Variants in COBLL1 observed in about 807,000 individuals in gnomAD.
COBLL1 encodes cordon-bleu WH2 repeat protein like 1, also known as cordon-bleu protein-like 1.
In COBLL1, 50 loss-of-function variants were observed where a neutral mutation model predicts 94.8. The observed-to-expected ratio is 0.53, with a 90% confidence interval of 0.42 to 0.67. COBLL1 has a LOEUF of 0.67. Ranked by LOEUF, COBLL1 falls within the 30% of genes least tolerant of loss-of-function variation. The pLI is 0.00. For synonymous variants in COBLL1, 448 were observed against 473.8 expected, an observed-to-expected ratio of 0.95 and a Z score of 0.71; for missense variants, 1,362 against 1,348.7, an observed-to-expected ratio of 1.01 and a Z score of -0.15.
intron 7 of COBLL1, among the ~76,000 whole-genome samples, chr2:164,706,460 T>C (rs1684608198): frequency 6.6e-6 from 1 of 152,206 alleles, no homozygotes; most frequent in South Asian, 2.1e-4. Flanking sequence ...TATGTATTAT[T>C]TGCATGCTGA....
intron 7 of COBLL1, among the ~76,000 whole-genome samples, chr2:164,715,708 G>A (rs529804417): frequency 1.5e-4 from 22 of 151,634 alleles, no homozygotes; most frequent in Admixed American, 3.3e-4. Flanking sequence ...AACACTCTAG[G>A]TATTAAATTT....
intron 9 of COBLL1, among the ~76,000 whole-genome samples, chr2:164,701,495 A>G (rs1484156579): frequency 6.6e-6 from 1 of 152,232 alleles, no homozygotes; most frequent in Non-Finnish European, 1.5e-5. Context: ...TGTAATATAC[A>G]TACATAGGCT....
At chr2:164,723,641 G>A (rs551545643) in intron 5 of COBLL1, 1 of 150,558 alleles carries the variant, frequency 6.6e-6, no homozygotes, top group East Asian at 2.0e-4. Flanking sequence ...TGTCACATGT[G>A]TTTAATTTCA....
At chr2:164,837,931 C>T (rs1038631729) in intron 2 of COBLL1, among the ~76,000 whole-genome samples, 5 of 152,082 alleles carry the variant, frequency 3.3e-5, no homozygotes, top group African/African-American at 7.3e-5. Flanking sequence ...ACTGTAGTCT[C>T]GGCCATGCAG....
chr2:164,690,634 A>T (rs960922830), intron 13 of COBLL1, among the ~76,000 whole-genome samples: 2 of 152,200 alleles, frequency 1.3e-5, no homozygotes, highest in African/African-American at 4.8e-5. Flanking sequence ...CTGACCTAGT[A>T]TAAAGGCATC....
At chr2:164,660,894 C>G (rs1489954600) in intron 2 of COBLL1, among the ~76,000 whole-genome samples, 3 of 151,932 alleles carry the variant, frequency 2.0e-5, no homozygotes, top group Non-Finnish European at 4.4e-5. Flanking sequence ...TGATTTAAAC[C>G]CTAATGGGAC....
Position 164,841,455 on chromosome 2 carries a change from G to A in COBLL1, c.-50-209C>T. ...TCTAGCGGGCGCCCAGAGCACGGCG[G>A]AGGAGGCGGTGGCGCTGCAGCCCCC... On this transcript the variant is annotated intron_variant, in intron 1 of 13. Transcript: ENST00000652658. This position sits in a 1 kb window ranked among gnomAD's most constrained non-coding sequence, Gnocchi z 5.5. 1 of 1,147,318 alleles carries A rather than the reference G, an allele frequency of 8.7e-7. No homozygotes were observed. Among genetic ancestry groups the A allele is most frequent in the Non-Finnish European group, 1.1e-6 (1 of 934,614 alleles). The allele number at this position is 1,147,318 out of a possible 1,614,324, so 71.1% of individuals were successfully genotyped here.
intron 3 of COBLL1, among the ~76,000 whole-genome samples, chr2:164,730,536 C>A (rs1216955635): frequency 3.3e-5 from 5 of 151,832 alleles, no homozygotes; most frequent in African/African-American, 1.2e-4. Context: ...ACAACAACAA[C>A]AAAAATAATC....
At chr2:164,789,264 T>C (rs1466396820) in intron 2 of COBLL1, among the ~76,000 whole-genome samples, 1 of 151,944 alleles carries the variant, frequency 6.6e-6, no homozygotes, top group Non-Finnish European at 1.5e-5. Flanking sequence ...GAGATCATGA[T>C]GATAGAAGGT....
At chr2:164,702,577 AT>A (rs66810680) in intron 9 of COBLL1, among the ~76,000 whole-genome samples, 18,568 of 133,326 alleles carry the variant, frequency 0.14, 1,568 homozygotes, top group African/African-American at 0.16. Context: ...AAAAAAAAAA[AT>A]AATAATAATA....
At chr2:164,769,456 A>G (rs945251809) in intron 2 of COBLL1, among the ~76,000 whole-genome samples, 9 of 152,204 alleles carry the variant, frequency 5.9e-5, no homozygotes, top group African/African-American at 2.2e-4. Context: ...AACTCTACCA[A>G]ATACATCATT....
chr2:164,785,568 GAA>G (rs1491344039), intron 2 of COBLL1, among the ~76,000 whole-genome samples: 3 of 152,096 alleles, frequency 2.0e-5, no homozygotes, highest in African/African-American at 7.2e-5. Flanking sequence ...GATGAGCCAG[GAA>G]CAGACACATA....
chr2:164,785,780 A>C (rs1245648196), intron 2 of COBLL1, among the ~76,000 whole-genome samples: 1 of 152,074 alleles, frequency 6.6e-6, no homozygotes. Flanking sequence ...AAAGGAAAGA[A>C]AGAAAGAAAA....
intron 2 of COBLL1, among the ~76,000 whole-genome samples, chr2:164,763,910 T>C (rs949323728): frequency 3.9e-5 from 6 of 152,258 alleles, no homozygotes; most frequent in African/African-American, 1.2e-4. Context: ...TTTTTCTTTA[T>C]GTTTGAGACA....
rs768345009 is a variant in COBLL1 at position 164,705,124 on chromosome 2, A to G, written c.997-19T>C. 6.7e-7 allele frequency: 1 copy of G among 1,491,248 alleles called. No homozygotes were observed. The highest frequency in any genetic ancestry group is 8.9e-7 in the Non-Finnish European group (1 of 1,121,426). 92.4% of individuals were successfully genotyped at this position (1,491,248 alleles called of 1,614,324 possible). A position where few individuals can be genotyped will look rare whatever the true frequency, so the allele number is the denominator to read the frequency against. ...AGGGACTCTGGAAAACAAAATGACCAAATAAAATCCTACATTTAGAAATCA... is the reference window on the plus strand; with the variant it reads ...AGGGACTCTGGAAAACAAAATGACCGAATAAAATCCTACATTTAGAAATCA... On this transcript the variant is annotated intron_variant, in intron 7 of 13. Coordinates refer to ENST00000652658, the MANE Select transcript of COBLL1 (RefSeq NM_001365672.2).
chr2:164,678,333 T>C (rs1028103190), downstream of COBLL1, among the ~76,000 whole-genome samples: 28 of 152,146 alleles, frequency 1.8e-4, 1 homozygote, highest in Admixed American at 5.9e-4. Context: ...GGAGATAATA[T>C]GTCAGATCAC....
intron 2 of COBLL1, among the ~76,000 whole-genome samples, chr2:164,814,261 CA>C (rs1390994071): frequency 4.6e-5 from 7 of 152,126 alleles, no homozygotes; most frequent in Non-Finnish European, 2.9e-5. Flanking sequence ...CACACACAGA[CA>C]TAAGGATAAA....
At chr2:164,717,072 T>C (rs531754047) in intron 7 of COBLL1, among the ~76,000 whole-genome samples, 2 of 152,292 alleles carry the variant, frequency 1.3e-5, no homozygotes, top group Admixed American at 1.3e-4. Context: ...TAGCTTTATT[T>C]ACCCGCATGA....
chr2:164,681,004 T>A lies in COBLL1; in HGVS notation c.*4942A>T, dbSNP rs919015518. 2.6e-5 allele frequency: 4 copies of A among 152,146 alleles called. No individual in the cohort carries two copies. The highest frequency in any genetic ancestry group is 4.4e-5 in the Non-Finnish European group (3 of 68,020). The allele number at this position is 152,146 out of a possible 1,614,324, so 9.4% of individuals were successfully genotyped here. ...GAATTGCTTTTAACTGGTTGGGAGC[T>A]AGACAGAAAGTCTGAGGTGTATTTG... On this transcript the variant is annotated 3_prime_UTR_variant, in exon 14 of 14. Transcript: ENST00000652658.
Sources: allele counts gnomAD v4.1 joint callset (sites outside exome capture counted in the v4.1 genomes callset), GRCh38; gene constraint gnomAD v4.1.1; non-coding constraint Gnocchi (gnomAD v3.1); transcripts MANE v1.5; gene names NCBI Gene and HGNC (gene_info 2026-07-23, HGNC 2026-07-21).